Variants in SORCS1 observed in about 807,000 individuals in gnomAD.
The protein encoded by SORCS1 is sortilin related VPS10 domain containing receptor 1.
Under a neutral mutation model 146.1 loss-of-function variants are expected in SORCS1, and 60 were observed. The observed-to-expected ratio is 0.41, with a 90% CI of 0.33 to 0.51. SORCS1 has a LOEUF of 0.51. Ranked by LOEUF, SORCS1 falls within the 20% of genes least tolerant of loss-of-function variation. The pLI is 0.21. For missense variants in SORCS1, 1,352 were observed against 1,487.6 expected (o/e 0.91, Z 1.50); for synonymous variants, 637 against 584.0 (o/e 1.09, Z -1.31).
chr10:106,989,382 A>G (rs2139447921), intron 1 of SORCS1, among the ~76,000 whole-genome samples: 1 of 151,990 alleles, frequency 6.6e-6, no homozygotes, highest in Non-Finnish European at 1.5e-5. Flanking sequence ...GTCCACTAAC[A>G]GCAGTAAACT....
At chr10:106,756,292 TC>T (rs1243759133) in intron 5 of SORCS1, among the ~76,000 whole-genome samples, 1 of 152,148 alleles carries the variant, frequency 6.6e-6, no homozygotes, top group African/African-American at 2.4e-5. Flanking sequence ...CAGTGGGCAT[TC>T]AATATGGTTC....
At chr10:106,974,906 C>T (rs1955929663) in intron 1 of SORCS1, among the ~76,000 whole-genome samples, 1 of 152,148 alleles carries the variant, frequency 6.6e-6, no homozygotes, top group Non-Finnish European at 1.5e-5. Flanking sequence ...CTCAAAATGT[C>T]TCTACTTTTT....
At chr10:106,930,199 G>A (rs1022850033) in intron 2 of SORCS1, among the ~76,000 whole-genome samples, 9 of 152,116 alleles carry the variant, frequency 5.9e-5, no homozygotes, top group South Asian at 2.1e-4. Flanking sequence ...GAAGAATGGC[G>A]TGAACCCGGG....
At chr10:107,023,128 T>G (rs1387978188) in intron 1 of SORCS1, among the ~76,000 whole-genome samples, 1 of 152,180 alleles carries the variant, frequency 6.6e-6, no homozygotes, top group African/African-American at 2.4e-5. Context: ...AGATAATGCA[T>G]GTAAATTGCT....
upstream of SORCS1, among the ~76,000 whole-genome samples, chr10:107,167,066 G>C (rs934134969): frequency 4.6e-5 from 7 of 152,360 alleles, no homozygotes; most frequent in South Asian, 1.2e-3. Context: ...AGTTCATAGA[G>C]AGCAGGCAAG....
Position 106,642,018 on chromosome 10 carries a change from C to G in SORCS1, c.2475+10364G>C. On this transcript the variant is annotated intron_variant, in intron 18 of 25. Transcript: ENST00000263054. ...TCTTGGTAAAATATTTGTCAAAGAACAAATAAATAAATACAAACATCTAAC... is the reference window on the plus strand; with the variant it reads ...TCTTGGTAAAATATTTGTCAAAGAAGAAATAAATAAATACAAACATCTAAC... 2.0e-5 allele frequency among the ~76,000 whole-genome samples: 3 copies of G among 152,126 alleles called. No homozygotes were observed. The East Asian group carries it at 5.8e-4, about 29-fold the overall frequency.
rs1185810620 is a variant in SORCS1 at position 106,684,550 on chromosome 10, AG to A, written c.1560+3641del. The stretch of plus-strand genomic sequence containing the variant: ...TCTAATTGTACAATGCAGTCTTCAG[AG>A]GAAAGAAATCCCAGCTGGGCCCTCC... On this transcript the variant is annotated intron_variant, in intron 10 of 25. Transcript: ENST00000263054. 2.6e-5 allele frequency among the ~76,000 whole-genome samples: 4 copies of A among 152,290 alleles called. No homozygotes were observed. In the East Asian group the frequency reaches 7.7e-4, roughly 30 times the overall value.
In SORCS1 at chr10:107,040,316, C is replaced by T. The variant is rs572123367; in HGVS notation, c.559-83736G>A. 5.9e-4 allele frequency among the ~76,000 whole-genome samples: 90 copies of T among 152,198 alleles called. 2 individuals are homozygous for T. Among genetic ancestry groups the T allele is most frequent in the African/African-American group, 1.2e-3 (50 of 41,534 alleles). On this transcript the variant is annotated intron_variant, in intron 1 of 25. Transcript: ENST00000263054. Reference sequence around the variant, plus strand: ...GGGCTTATGCTCAGATCAGTAGGAACGTCAGCGGCAATTTTCCTTTATTGA... The same window carrying T: ...GGGCTTATGCTCAGATCAGTAGGAATGTCAGCGGCAATTTTCCTTTATTGA...
rs997256530 is a variant in SORCS1 at position 107,096,615 on chromosome 10, G to A, written c.558+67354C>T. ...CAAGCTCCACCTCCTGGGTTCAAGC[G>A]ATTCTCCTGCCTCAGCCTCCTGAGT... On this transcript the variant is annotated intron_variant, in intron 1 of 25. Transcript: ENST00000263054. 6.6e-5 allele frequency among the ~76,000 whole-genome samples: 10 copies of A among 152,208 alleles called. No individual in the cohort carries two copies. The East Asian group carries it at 1.4e-3, about 21-fold the overall frequency.
At chr10:106,711,320 T>C (rs1347054094) in intron 6 of SORCS1, among the ~76,000 whole-genome samples, 1 of 152,194 alleles carries the variant, frequency 6.6e-6, no homozygotes, top group Non-Finnish European at 1.5e-5. Context: ...ATTCTATTTT[T>C]CCAAATGAAA....
rs535264357 is a variant in SORCS1, at chr10:106,696,585, GATA to G, written c.1413+2626_1413+2628del. Among the ~76,000 whole-genome samples, 152 of 152,264 alleles carry G rather than the reference GATA, an allele frequency of 1.0e-3. 6 individuals carry two copies. The South Asian group carries it at 0.029, about 30-fold the overall frequency. On this transcript the variant is annotated intron_variant, in intron 9 of 25. Transcript: ENST00000263054. ...CAGTCACATCACTGCTCAAAATGAT[GATA>G]ATAAGAGCCAGCAGTTTCCCTACAG...
At chr10:106,955,806 C>T (rs550824952) in intron 2 of SORCS1, among the ~76,000 whole-genome samples, 3 of 151,960 alleles carry the variant, frequency 2.0e-5, no homozygotes, top group Admixed American at 1.3e-4. Context: ...GCCTCACCAA[C>T]ATGGAGAAAC....
At chr10:106,989,670 G>GTTTTTTTTT (rs1335278625) in intron 1 of SORCS1, among the ~76,000 whole-genome samples, 8 of 116,428 alleles carry the variant, frequency 6.9e-5, no homozygotes, top group African/African-American at 3.6e-4. Context: ...TATTTTTTCT[G>GTTTTTTTTT]TTTTTTTTTG....
At chr10:106,745,442 A>C (rs1589790100) in intron 5 of SORCS1, among the ~76,000 whole-genome samples, 1 of 152,142 alleles carries the variant, frequency 6.6e-6, no homozygotes, top group East Asian at 1.9e-4. Flanking sequence ...AAGAAAAAGA[A>C]AAAAAGAAAC....
intron 1 of SORCS1, among the ~76,000 whole-genome samples, chr10:107,070,840 C>T (rs1417003464): frequency 6.6e-6 from 1 of 151,636 alleles, no homozygotes; most frequent in Non-Finnish European, 1.5e-5. Flanking sequence ...CACACACATA[C>T]ATATATATAT....
At chr10:107,082,553 C>T (rs1002298624) in intron 1 of SORCS1, among the ~76,000 whole-genome samples, 1 of 152,018 alleles carries the variant, frequency 6.6e-6, no homozygotes, top group East Asian at 1.9e-4. Flanking sequence ...TCTCAGCTCA[C>T]TGTAACCTCC....
intron 1 of SORCS1, among the ~76,000 whole-genome samples, chr10:107,027,789 C>G (rs2133910428): frequency 6.6e-6 from 1 of 152,280 alleles, no homozygotes; most frequent in East Asian, 1.9e-4. Context: ...AAACACAAAC[C>G]ATTATCTCTG....
chr10:106,767,255 T>G (rs1423593103), intron 4 of SORCS1, among the ~76,000 whole-genome samples: 2 of 152,152 alleles, frequency 1.3e-5, no homozygotes, highest in African/African-American at 4.8e-5. Flanking sequence ...TTTATCAAAT[T>G]TGTCACTGCC....
intron 14 of SORCS1, 133 bp from the exon 15 acceptor site, chr10:106,673,118 G>C (rs533239114): frequency 3.6e-5 from 23 of 638,446 alleles, no homozygotes; most frequent in Non-Finnish European, 5.7e-5. Flanking sequence ...TCCTCAAAAC[G>C]CATTCATGAA....
Sources: allele counts gnomAD v4.1 joint callset (sites outside exome capture counted in the v4.1 genomes callset), GRCh38; gene constraint gnomAD v4.1.1; transcripts MANE v1.5; gene names NCBI Gene and HGNC (gene_info 2026-07-23, HGNC 2026-07-21).